ATF7: variants seen among roughly 807,000 people sequenced by gnomAD.
ATF7 encodes the protein cyclic AMP-dependent transcription factor ATF-7.
In ATF7, 10 loss-of-function variants were observed where a neutral mutation model predicts 50.4. That is an observed-to-expected ratio of 0.20 (90% confidence interval 0.12 to 0.34). The LOEUF (loss-of-function observed/expected upper bound fraction) is 0.34. ATF7 is among the 10% of genes least tolerant of loss of function. The pLI is 1.00. For synonymous variants in ATF7, 201 were observed against 226.4 expected, an observed-to-expected ratio of 0.89 and a Z score of 1.01; for missense variants, 465 against 613.9, an observed-to-expected ratio of 0.76 and a Z score of 2.56.
chr12:53,610,060 G>A (rs967414901), intron 1 of ATF7, among the ~76,000 whole-genome samples: 3 of 151,716 alleles, frequency 2.0e-5, no homozygotes, highest in Non-Finnish European at 2.9e-5. Flanking sequence ...CAAGTGATCC[G>A]CCCGCCTCGG....
chr12:53,521,192 A>G (rs1320573181), intron 11 of ATF7, among the ~76,000 whole-genome samples: 2 of 152,070 alleles, frequency 1.3e-5, no homozygotes, highest in African/African-American at 4.8e-5. Flanking sequence ...CAGTTTCACC[A>G]TGTTAGCCAG....
intron 2 of ATF7, chr12:53,574,903 A>T: frequency 3.1e-6 from 1 of 324,258 alleles, no homozygotes. Flanking sequence ...AGGGTGAGCA[A>T]GACTTTAGTC....
chr12:53,535,574 C>G (rs183757991), intron 5 of ATF7, among the ~76,000 whole-genome samples: 3 of 152,106 alleles, frequency 2.0e-5, no homozygotes, highest in African/African-American at 7.2e-5. Flanking sequence ...ATACAGACTA[C>G]TGACTTCGTG....
intron 2 of ATF7, among the ~76,000 whole-genome samples, chr12:53,563,707 A>G (rs1225527896): frequency 1.3e-5 from 2 of 152,276 alleles, no homozygotes; most frequent in Non-Finnish European, 2.9e-5. Flanking sequence ...GGGCTTGCCC[A>G]GTTTGGCACT....
Position 53,516,741 on chromosome 12 carries a change from CA to C in ATF7, c.*395del, listed in dbSNP as rs543397778. On this transcript the variant is annotated 3_prime_UTR_variant, in exon 12 of 12. Transcript: ENST00000420353. ...CAGGAAGTGGCATGCTGGTAAGGAACAAAAAGGTAACAGCCACGGCTTAGTG... is the reference window on the plus strand; with the variant it reads ...CAGGAAGTGGCATGCTGGTAAGGAACAAAAGGTAACAGCCACGGCTTAGTG... 7 of 201,602 alleles carry C rather than the reference CA, an allele frequency of 3.5e-5. No individual in the cohort carries two copies. The East Asian group carries it at 7.8e-4, about 22-fold the overall frequency. 12.5% of individuals were successfully genotyped at this position (201,602 alleles called of 1,614,324 possible). A position where few individuals can be genotyped will look rare whatever the true frequency, so the allele number is the denominator to read the frequency against.
intron 2 of ATF7, among the ~76,000 whole-genome samples, chr12:53,564,147 G>C (rs1941309584): frequency 6.6e-6 from 1 of 152,162 alleles, no homozygotes; most frequent in African/African-American, 2.4e-5. Flanking sequence ...GGCTGAGGTG[G>C]GCAGATCACT....
chr12:53,611,112 G>A (rs1943857461), intron 1 of ATF7, among the ~76,000 whole-genome samples: 1 of 152,012 alleles, frequency 6.6e-6, no homozygotes, highest in Non-Finnish European at 1.5e-5. Flanking sequence ...ACAAGGGTGA[G>A]CCATTGTACC....
downstream of ATF7, among the ~76,000 whole-genome samples, chr12:53,509,615 C>T (rs1592752111): frequency 6.6e-6 from 1 of 151,714 alleles, no homozygotes; most frequent in African/African-American, 2.4e-5. Context: ...AGGCGATTCT[C>T]CTGCCTCAGC....
intron 2 of ATF7, 108 bp from the exon 3 acceptor site, chr12:53,552,745 A>G: frequency 1.2e-6 from 1 of 827,578 alleles, no homozygotes; most frequent in Non-Finnish European, 2.0e-6. Context: ...GGTCCCTGGA[A>G]AGAAGAACTG....
intron 2 of ATF7, among the ~76,000 whole-genome samples, chr12:53,562,367 C>T (rs765386442): frequency 2.6e-5 from 4 of 152,176 alleles, no homozygotes; most frequent in African/African-American, 4.8e-5. Context: ...AGGCCGGGCA[C>T]GGTGGCTCAC....
At chr12:53,533,082 G>A (rs747513339) in intron 7 of ATF7, 78 bp downstream of exon 7, 114 of 1,293,240 alleles carry the variant, frequency 8.8e-5, no homozygotes, top group Non-Finnish European at 1.2e-4. Context: ...TGGGGCTCAT[G>A]TGTATTTTAT....
chr12:53,605,844 T>C (rs184948757), intron 1 of ATF7, among the ~76,000 whole-genome samples: 122 of 152,344 alleles, frequency 8.0e-4, no homozygotes, highest in Non-Finnish European at 1.4e-3. Context: ...ACACAGTAGA[T>C]ATTCAATAAA....
chr12:53,534,068 G>A (rs975236595), intron 6 of ATF7, among the ~76,000 whole-genome samples: 1 of 152,222 alleles, frequency 6.6e-6, no homozygotes, highest in Non-Finnish European at 1.5e-5. Flanking sequence ...ACGAGGTCAG[G>A]AGATCGAGAT....
At position 53,522,170 on chromosome 12, in the gene ATF7, G is replaced by A. The variant is rs138615350; in HGVS notation, c.1234+1106C>T. Among the ~76,000 whole-genome samples the A allele has an allele frequency of 2.9e-4, 44 of 152,264 alleles. No homozygotes were observed. The East Asian group carries it at 4.0e-3, about 14-fold the overall frequency. On this transcript the variant is annotated intron_variant, in intron 11 of 11. Transcript: ENST00000420353. ...TCATAGATTACAAACTGAAACCAAC[G>A]TCAGCCTATCATTAGATAAAATGTA...
intron 2 of ATF7, among the ~76,000 whole-genome samples, chr12:53,579,667 T>C (rs1181674789): frequency 6.6e-6 from 1 of 152,152 alleles, no homozygotes; most frequent in Non-Finnish European, 1.5e-5. Context: ...TGGGGAATTA[T>C]GACAAAGCAG....
chr12:53,585,785 T>C (rs892037734), intron 2 of ATF7, among the ~76,000 whole-genome samples: 14 of 151,776 alleles, frequency 9.2e-5, no homozygotes, highest in Non-Finnish European at 1.8e-4. Context: ...CTTCTGTTCA[T>C]GCGGTGGAGG....
chr12:53,555,923 C>T (rs1436807836), intron 2 of ATF7, among the ~76,000 whole-genome samples: 2 of 152,116 alleles, frequency 1.3e-5, no homozygotes, highest in Admixed American at 1.3e-4. Context: ...TCAAGCGATT[C>T]TCCTGTCTCA....
intron 1 of ATF7, among the ~76,000 whole-genome samples, chr12:53,602,314 G>A (rs1332478561): frequency 6.6e-6 from 1 of 152,146 alleles, no homozygotes; most frequent in Non-Finnish European, 1.5e-5. Flanking sequence ...GAAATGTCAG[G>A]ACAATCTGTC....
chr12:53,615,894 A>G (rs752174228), intron 1 of ATF7, among the ~76,000 whole-genome samples: 3 of 152,118 alleles, frequency 2.0e-5, no homozygotes, highest in Non-Finnish European at 2.9e-5. Flanking sequence ...CTCTAAAAAT[A>G]ATGATAATAA....
Sources: gnomAD v4.1 joint callset for allele counts (sites outside exome capture counted in the v4.1 genomes callset) on GRCh38, gnomAD v4.1.1 for gene constraint, MANE v1.5 for transcripts, NCBI Gene and HGNC (gene_info 2026-07-23, HGNC 2026-07-21) for gene names.